CSMD1: variants seen among roughly 807,000 people sequenced by gnomAD.
The protein encoded by CSMD1 is CUB and sushi domain-containing protein 1.
Under a neutral mutation model 417.5 loss-of-function variants are expected in CSMD1, and 213 were observed. The ratio of observed to expected loss-of-function variants is 0.51; its 90% CI spans 0.46 to 0.57. The LOEUF is 0.57. CSMD1 is among the 20% of genes least tolerant of loss of function. The probability of loss-of-function intolerance (pLI) is 0.00; values close to 1 mark genes in which losing one functional copy is unlikely to be tolerated. For missense variants in CSMD1, 6,923 were observed against 4,529.7 expected (o/e 1.53, Z -15.17); for synonymous variants, 2,862 against 1,736.8 (o/e 1.65, Z -16.11).
intron 12 of CSMD1, among the ~76,000 whole-genome samples, chr8:3,439,879 C>A (rs12675932): frequency 0.57 from 86,845 of 151,986 alleles, 24,931 homozygotes; most frequent in African/African-American, 0.6. Context: ...CTATGTATGT[C>A]CAGTTGTCCT....
chr8:3,230,403 A>G (rs1297702512), intron 26 of CSMD1, among the ~76,000 whole-genome samples, 172 bp from the exon 27 acceptor site: 1 of 152,218 alleles, frequency 6.6e-6, no homozygotes, highest in Non-Finnish European at 1.5e-5. Context: ...TCAATAACAT[A>G]CATCTTCATT....
At chr8:4,322,891 A>G (rs1008761331) in intron 3 of CSMD1, among the ~76,000 whole-genome samples, 9 of 152,202 alleles carry the variant, frequency 5.9e-5, no homozygotes, top group Non-Finnish European at 5.9e-5. Flanking sequence ...AGGCTGAGGC[A>G]GGAGAATCGC....
intron 1 of CSMD1, among the ~76,000 whole-genome samples, chr8:4,794,287 G>C (rs1797856499): frequency 6.6e-6 from 1 of 152,018 alleles, no homozygotes; most frequent in Non-Finnish European, 1.5e-5. Context: ...CTACCATTTT[G>C]ATATTCTTGC....
intron 12 of CSMD1, among the ~76,000 whole-genome samples, chr8:3,450,613 C>A (rs1044654310): frequency 4.0e-5 from 6 of 151,844 alleles, no homozygotes; most frequent in Non-Finnish European, 8.8e-5. Flanking sequence ...TGGTTTCCAG[C>A]TTCATCCATG....
chr8:3,822,216 C>G (rs1473015670), intron 5 of CSMD1, among the ~76,000 whole-genome samples: 2 of 152,184 alleles, frequency 1.3e-5, no homozygotes, highest in Non-Finnish European at 2.9e-5. Context: ...ACTAGACACT[C>G]TGCCATGTGC....
At chr8:4,310,145 C>T (rs1026290842) in intron 3 of CSMD1, among the ~76,000 whole-genome samples, 9 of 152,156 alleles carry the variant, frequency 5.9e-5, no homozygotes, top group Non-Finnish European at 1.3e-4. Flanking sequence ...AACTGCTTCA[C>T]GTTTCTAACA....
At chr8:4,450,463 T>C (rs1359840641) in intron 2 of CSMD1, among the ~76,000 whole-genome samples, 1 of 152,086 alleles carries the variant, frequency 6.6e-6, no homozygotes, top group Non-Finnish European at 1.5e-5. Flanking sequence ...TCATCTCTAC[T>C]GAAAATACAA....
intron 12 of CSMD1, among the ~76,000 whole-genome samples, chr8:3,468,143 A>G (rs1343331077): frequency 6.6e-6 from 1 of 152,228 alleles, no homozygotes; most frequent in Non-Finnish European, 1.5e-5. Flanking sequence ...AAAGTAATCA[A>G]TATCCACAGG....
intron 34 of CSMD1, 65 bp downstream of exon 34, chr8:3,189,847 T>G (rs1418462609): frequency 2.2e-5 from 31 of 1,396,666 alleles, no homozygotes; most frequent in Non-Finnish European, 2.9e-5. Context: ...GATAGAAACA[T>G]GAGAAGTAAC....
intron 26 of CSMD1, among the ~76,000 whole-genome samples, chr8:3,267,036 T>C (rs1289291771): frequency 6.6e-6 from 1 of 152,168 alleles, no homozygotes; most frequent in African/African-American, 2.4e-5. Flanking sequence ...TATTTTTAAA[T>C]GTCAGAGACT....
intron 3 of CSMD1, among the ~76,000 whole-genome samples, chr8:4,147,012 C>G (rs889638741): frequency 2.0e-5 from 3 of 151,938 alleles, no homozygotes; most frequent in African/African-American, 7.3e-5. Context: ...CACTCAGAGG[C>G]CAGGAGAGTC....
At chr8:4,724,517 T>C (rs1279802442) in intron 1 of CSMD1, among the ~76,000 whole-genome samples, 1 of 138,190 alleles carries the variant, frequency 7.2e-6, no homozygotes, top group Non-Finnish European at 1.5e-5. Context: ...TCTTTATATA[T>C]ATATGTGTGT....
intron 5 of CSMD1, among the ~76,000 whole-genome samples, chr8:3,811,436 G>C (rs892173907): frequency 3.1e-4 from 47 of 152,102 alleles, no homozygotes; most frequent in African/African-American, 1.1e-3. Flanking sequence ...CGACTTACTG[G>C]GAGTGGGCAT....
chr8:4,694,479 G>C (rs926201719), intron 1 of CSMD1, among the ~76,000 whole-genome samples: 1 of 152,014 alleles, frequency 6.6e-6, no homozygotes, highest in African/African-American at 2.4e-5. Flanking sequence ...AGCCTTCCAA[G>C]TAGCTGGGGC....
chr8:3,215,524 A>C (rs1013355701), intron 29 of CSMD1, among the ~76,000 whole-genome samples: 1 of 152,232 alleles, frequency 6.6e-6, no homozygotes, highest in South Asian at 2.1e-4. Flanking sequence ...TCACTTCCAC[A>C]AAGACCCCCT....
intron 4 of CSMD1, among the ~76,000 whole-genome samples, chr8:4,008,729 G>T (rs904495848): frequency 1.4e-5 from 2 of 145,484 alleles, no homozygotes; most frequent in African/African-American, 5.1e-5. Context: ...TCCTGCCTCA[G>T]CCTCCTGAGT....
chr8:4,530,071 C>A (rs924127575), intron 2 of CSMD1, among the ~76,000 whole-genome samples: 2 of 151,586 alleles, frequency 1.3e-5, no homozygotes, highest in Non-Finnish European at 2.9e-5. Flanking sequence ...CCCGCCACCA[C>A]GCCCGACTAG....
intron 1 of CSMD1, among the ~76,000 whole-genome samples, chr8:4,973,583 A>G (rs1810369298): frequency 6.6e-6 from 1 of 152,216 alleles, no homozygotes; most frequent in Non-Finnish European, 1.5e-5. Context: ...GCAATCAAAC[A>G]TAAAATTGAC....
At chr8:3,341,167 C>T (rs768764430) in intron 23 of CSMD1, among the ~76,000 whole-genome samples, 1 of 152,092 alleles carries the variant, frequency 6.6e-6, no homozygotes, top group Non-Finnish European at 1.5e-5. Flanking sequence ...CTGAGCCTCG[C>T]CCACTGACGC....
Sources: allele counts gnomAD v4.1 joint callset (sites outside exome capture counted in the v4.1 genomes callset), GRCh38; gene constraint gnomAD v4.1.1; transcripts MANE v1.5; gene names NCBI Gene and HGNC (gene_info 2026-07-23, HGNC 2026-07-21).